The following LITAF variants were observed in gnomAD, a reference collection of about 807,000 sequenced individuals.
The protein encoded by LITAF is lipopolysaccharide-induced tumor necrosis factor-alpha factor.
A neutral mutation model predicts 14.5 loss-of-function variants in LITAF; 9 were observed. The observed-to-expected ratio is 0.62, with a 90% confidence interval of 0.37 to 1.08. The LOEUF is 1.08. LITAF is among the 50% of genes least tolerant of loss of function. The probability of loss-of-function intolerance (pLI) is 0.01; values close to 1 mark genes in which losing one functional copy is unlikely to be tolerated. For missense variants in LITAF, 206 were observed against 213.4 expected, an observed-to-expected ratio of 0.97 and a Z score of 0.22; for synonymous variants, 98 against 88.2, an observed-to-expected ratio of 1.11 and a Z score of -0.62.
At chr16:11,625,945 A>C (rs1452887109) in intron 3 of LITAF, among the ~76,000 whole-genome samples, 1 of 152,104 alleles carries the variant, frequency 6.6e-6, no homozygotes, top group Non-Finnish European at 1.5e-5. Context: ...AAATGGAAGC[A>C]CAGAGAGGTT....
chr16:11,577,992 C>T (rs1376304398), intron 1 of LITAF, among the ~76,000 whole-genome samples: 1 of 152,146 alleles, frequency 6.6e-6, no homozygotes, highest in African/African-American at 2.4e-5. Context: ...AACTCCTGGG[C>T]TCAAATGATC....
At chr16:11,626,465 T>A (rs2065084512) in intron 3 of LITAF, among the ~76,000 whole-genome samples, 1 of 152,218 alleles carries the variant, frequency 6.6e-6, no homozygotes, top group African/African-American at 2.4e-5. Flanking sequence ...TGCCTCAGCC[T>A]CCTGACTAGC....
chr16:11,629,246 G>C (rs1393998206), intron 3 of LITAF: 4 of 152,234 alleles, frequency 2.6e-5, no homozygotes, highest in South Asian at 2.1e-4. Flanking sequence ...GAGGACTTTG[G>C]GGAAGGCACT....
At chr16:11,579,161 C>G (rs1299138043) in intron 1 of LITAF, among the ~76,000 whole-genome samples, 2 of 150,352 alleles carry the variant, frequency 1.3e-5, no homozygotes, top group African/African-American at 4.9e-5. Flanking sequence ...TGCACTGCAG[C>G]CTGGGCAACA....
intron 1 of LITAF, 64 bp from the exon 2 acceptor site, chr16:11,556,799 T>C (rs1567237653): frequency 7.4e-7 from 1 of 1,351,354 alleles, no homozygotes; most frequent in East Asian, 2.3e-5. Flanking sequence ...CTTTTTCACC[T>C]AAGTCTTCAA....
At chr16:11,580,408 C>A (rs1478917136) in intron 1 of LITAF, among the ~76,000 whole-genome samples, 1 of 152,100 alleles carries the variant, frequency 6.6e-6, no homozygotes, top group African/African-American at 2.4e-5. Context: ...CAGATGCCCA[C>A]CACCACACCC....
chr16:11,571,106 C>T (rs546699038), intron 1 of LITAF, among the ~76,000 whole-genome samples: 1 of 152,198 alleles, frequency 6.6e-6, no homozygotes, highest in South Asian at 2.1e-4. Context: ...CTCACTCTGT[C>T]GCCCAGGCTG....
rs755785297 is a variant in LITAF, at chr16:11,548,829, G to T, written c.*808C>A. 1 of 453,058 alleles carries T rather than the reference G, an allele frequency of 2.2e-6. No homozygotes were observed. Among genetic ancestry groups the T allele is most frequent in the South Asian group, 1.6e-5 (1 of 64,254 alleles). 28.1% of individuals were successfully genotyped at this position (453,058 alleles called of 1,614,324 possible). A position where few individuals can be genotyped will look rare whatever the true frequency, so the allele number is the denominator to read the frequency against. ...CATCTCTGTTTTTTTTTAAAAAAAAGAAATTCTGTTCAAAAGTATTTCAGA... is the reference window on the plus strand; with the variant it reads ...CATCTCTGTTTTTTTTTAAAAAAAATAAATTCTGTTCAAAAGTATTTCAGA... On this transcript the variant is annotated 3_prime_UTR_variant, in exon 4 of 4. Transcript: ENST00000622633.
chr16:11,578,952 G>A (rs111565232), intron 1 of LITAF, among the ~76,000 whole-genome samples: 6,603 of 152,330 alleles, frequency 0.043, 191 homozygotes, highest in East Asian at 0.097. Context: ...ACTCTGGGAG[G>A]CCGAGGCGGG....
upstream of LITAF, among the ~76,000 whole-genome samples, chr16:11,591,600 A>T (rs2064846550): frequency 6.6e-6 from 1 of 152,232 alleles, no homozygotes; most frequent in Non-Finnish European, 1.5e-5. Flanking sequence ...CATATAAACC[A>T]TATATCTATG....
At chr16:11,637,417 TC>T (rs1271933192), upstream of LITAF, among the ~76,000 whole-genome samples, 2 of 152,232 alleles carry the variant, frequency 1.3e-5, no homozygotes, top group African/African-American at 4.8e-5. Context: ...AACTACTCAG[TC>T]CTCTTTCTGT....
At chr16:11,565,394 A>G (rs1383744152) in intron 1 of LITAF, among the ~76,000 whole-genome samples, 1 of 117,724 alleles carries the variant, frequency 8.5e-6, no homozygotes, top group Non-Finnish European at 1.6e-5. Context: ...TGAATTACTC[A>G]CTTTTAAATG....
intron 3 of LITAF, among the ~76,000 whole-genome samples, chr16:11,607,931 A>T (rs936356400): frequency 6.6e-6 from 1 of 152,126 alleles, no homozygotes; most frequent in Non-Finnish European, 1.5e-5. Context: ...GTCTCCTAGG[A>T]CCAAATTCCC....
upstream of LITAF, among the ~76,000 whole-genome samples, chr16:11,638,737 A>AC (rs1432203091): frequency 7.0e-6 from 1 of 142,120 alleles, no homozygotes; most frequent in East Asian, 2.0e-4. Flanking sequence ...AAAAAAAAAA[A>AC]AAAACCCTGG....
chr16:11,551,725 A>G, intron 3 of LITAF: 1 of 677,250 alleles, frequency 1.5e-6, no homozygotes, highest in Non-Finnish European at 2.7e-6. Flanking sequence ...CCAGGTACTC[A>G]GGAGGCTGAG....
intron 1 of LITAF, among the ~76,000 whole-genome samples, chr16:11,581,928 G>T (rs2064743491): frequency 1.3e-5 from 2 of 152,200 alleles, no homozygotes; most frequent in Admixed American, 1.3e-4. Context: ...GTTACTGGAG[G>T]TTACAAAGGG....
intron 3 of LITAF, chr16:11,629,294 G>C (rs1218695455): frequency 1.3e-5 from 2 of 152,398 alleles, no homozygotes; most frequent in Non-Finnish European, 2.9e-5. Context: ...CCTAGTTGAG[G>C]TTCCGTAGAA....
rs115162379 is a variant in LITAF, at chr16:11,594,473, A to G, written c.-6+3915T>C. Among the ~76,000 whole-genome samples the G allele has an allele frequency of 3.5e-3, 533 of 152,330 alleles. 2 individuals carry two copies. The highest frequency in any genetic ancestry group is 0.012 in the African/African-American group (512 of 41,570). On this transcript the variant is annotated intron_variant, in intron 1 of 3. Transcript: ENST00000571627. ...GAAACTTCAGACATGAAGTGGCCAC[A>G]GGAGGAAAAACTGGTTCCCTAAAAG...
chr16:11,572,507 C>T (rs752518846), intron 1 of LITAF, among the ~76,000 whole-genome samples: 4 of 152,154 alleles, frequency 2.6e-5, no homozygotes, highest in Non-Finnish European at 5.9e-5. Context: ...CGGGACATCA[C>T]ACACCTGCTG....
Sources: allele counts gnomAD v4.1 joint callset (sites outside exome capture counted in the v4.1 genomes callset), GRCh38; gene constraint gnomAD v4.1.1; transcripts MANE v1.5; gene names NCBI Gene and HGNC (gene_info 2026-07-23, HGNC 2026-07-21).